The following TTC9 variants were observed in gnomAD, a reference collection of about 807,000 sequenced individuals.
The protein encoded by TTC9 is tetratricopeptide repeat protein 9A.
Under a neutral mutation model 22.9 loss-of-function variants are expected in TTC9, and 13 were observed. The observed-to-expected ratio is 0.57, with a 90% CI of 0.37 to 0.90. The LOEUF is 0.90. Ranked by LOEUF, TTC9 falls within the 40% of genes least tolerant of loss-of-function variation. The pLI, the probability that TTC9 is intolerant of heterozygous loss-of-function variation, is 0.01. For missense variants in TTC9, 280 were observed against 291.8 expected, an observed-to-expected ratio of 0.96 and a Z score of 0.29; for synonymous variants, 148 against 133.2, an observed-to-expected ratio of 1.11 and a Z score of -0.77.
Position 70,671,023 on chromosome 14 carries a change from T to C in TTC9, c.590-53T>C, listed in dbSNP as rs977192254. ...ACAGCCTTTGCTAATTCCTTGTAAA[T>C]GTGATAGTTGCCCTCACCTGGTGTT... On this transcript the variant is annotated intron_variant, in intron 2 of 2. Transcript: ENST00000256367. 7.1e-6 allele frequency: 11 copies of C among 1,544,162 alleles called. No homozygotes were observed. The South Asian group carries it at 1.2e-4, about 17-fold the overall frequency.
At chr14:70,657,037 C>T (rs1886076496) in intron 1 of TTC9, among the ~76,000 whole-genome samples, 1 of 152,208 alleles carries the variant, frequency 6.6e-6, no homozygotes, top group Non-Finnish European at 1.5e-5. Flanking sequence ...TTTGGCATTA[C>T]AACTCCCTTG....
chr14:70,651,672 T>C (rs562880355), intron 1 of TTC9, among the ~76,000 whole-genome samples: 1 of 152,278 alleles, frequency 6.6e-6, no homozygotes, highest in Non-Finnish European at 1.5e-5. Flanking sequence ...TGCACATTAG[T>C]GACAGTTTGA....
chr14:70,646,126 G>T (rs1014676028), intron 1 of TTC9, among the ~76,000 whole-genome samples: 3 of 152,194 alleles, frequency 2.0e-5, no homozygotes, highest in Non-Finnish European at 4.4e-5. Flanking sequence ...GTCTCTTCTG[G>T]CTGGGATTTC....
chr14:70,643,583 T>A (rs1437999431), intron 1 of TTC9, among the ~76,000 whole-genome samples: 2 of 152,210 alleles, frequency 1.3e-5, no homozygotes, highest in African/African-American at 2.4e-5. Context: ...TTGCCTAAAC[T>A]GTCTATGGAC....
chr14:70,671,071 C>A lies in TTC9; in HGVS notation c.590-5C>A. 1 of 1,613,254 alleles carries A rather than the reference C, an allele frequency of 6.2e-7. No individual in the cohort carries two copies. The highest frequency in any genetic ancestry group is 2.2e-5 in the East Asian group (1 of 44,850). On this transcript the variant is annotated splice_polypyrimidine_tract_variant and splice_region_variant and intron_variant, in intron 2 of 2. Transcript: ENST00000256367. ...GTTCCCTAAGGTTTATTTCTCTCCT[C>A]ACAGACACCAACGTGATTCGGTATA...
At chr14:70,644,128 A>G (rs1190484139) in intron 1 of TTC9, among the ~76,000 whole-genome samples, 1 of 152,198 alleles carries the variant, frequency 6.6e-6, no homozygotes, top group African/African-American at 2.4e-5. Flanking sequence ...ATGGAATCTT[A>G]TATTTAGTCA....
At chr14:70,647,097 A>G (rs1403720406) in intron 1 of TTC9, among the ~76,000 whole-genome samples, 2 of 152,330 alleles carry the variant, frequency 1.3e-5, no homozygotes, top group East Asian at 3.9e-4. Flanking sequence ...AAATTTAATT[A>G]TTAGCATAGA....
At position 70,674,170 on chromosome 14, in the gene TTC9, A is replaced by T. The variant is rs887347004; in HGVS notation, c.*3015A>T. ...TTTAATTCCGTACGTTGCGGATGTC[A>T]CTGCTGACCTATGTAGCTGGAGTAC... On this transcript the variant is annotated 3_prime_UTR_variant, in exon 3 of 3. Transcript: ENST00000256367. The T allele has an allele frequency of 2.6e-5, 4 of 152,138 alleles. No homozygotes were observed. Among genetic ancestry groups the T allele is most frequent in the African/African-American group, 9.7e-5 (4 of 41,406 alleles). 9.4% of individuals were successfully genotyped at this position (152,138 alleles called of 1,614,324 possible).
Position 70,642,334 on chromosome 14 carries a change from A to G in TTC9, c.205A>G (p.Lys69Glu), listed in dbSNP as rs1403717354. Residue 69 changes from lysine (K) to glutamate (E), a missense_variant, in exon 1 of 3, where the codon AAG (lysine) becomes GAG (glutamate). Coordinates refer to ENST00000256367, the MANE Select transcript of TTC9 (RefSeq NM_015351.2). Reference protein sequence around the residue: ...EFKSQGAQCYKDKKFREAIGK... With the variant: ...EFKSQGAQCYEDKKFREAIGK... ...CAAAAGCCAAGGGGCGCAGTGCTAC[A>G]AGGACAAGAAATTCCGTGAAGCCAT... is the stretch of plus-strand genomic sequence containing the variant. 6.3e-7 allele frequency: 1 copy of G among 1,595,840 alleles called. No individual in the cohort carries two copies. Among genetic ancestry groups the G allele is most frequent in the Admixed American group, 1.7e-5 (1 of 58,184 alleles).
rs1228392517 is a variant in TTC9 at position 70,642,085 on chromosome 14, G to GGCC, written c.-43_-42insCGC. ...GGGAAGGCGCGGCGGCGGCGGCGGC[G>GGCC]GCGGGCAGATCGCGGCGCGCACCAG... is the stretch of plus-strand genomic sequence containing the variant. On this transcript the variant is annotated 5_prime_UTR_variant, in exon 1 of 3. Coordinates refer to ENST00000256367, the MANE Select transcript of TTC9 (RefSeq NM_015351.2). 1.6e-5 allele frequency: 17 copies of GGCC among 1,042,276 alleles called. No individual in the cohort carries two copies. Among genetic ancestry groups the GGCC allele is most frequent in the Admixed American group, 1.1e-4 (2 of 18,020 alleles). The allele number at this position is 1,042,276 out of a possible 1,614,324, so 64.6% of individuals were successfully genotyped here.
At position 70,673,887 on chromosome 14, in the gene TTC9, T is replaced by C. The variant is rs2139654515; in HGVS notation, c.*2732T>C. ...ATGAAGACAGCCTCTCAGAACCTCA[T>C]AGAACAAGCGTCCAGGTCATCTGCT... is the stretch of plus-strand genomic sequence containing the variant. On this transcript the variant is annotated 3_prime_UTR_variant, in exon 3 of 3. Transcript: ENST00000256367. 6.6e-6 allele frequency: 1 copy of C among 152,218 alleles called. No homozygotes were observed. Among genetic ancestry groups the C allele is most frequent in the Non-Finnish European group, 1.5e-5 (1 of 68,042 alleles). The allele number at this position is 152,218 out of a possible 1,614,324, so 9.4% of individuals were successfully genotyped here.
Position 70,671,206 on chromosome 14 carries a change from C to A in TTC9, c.*51C>A. 2 of 1,502,942 alleles carry A rather than the reference C, an allele frequency of 1.3e-6. No individual in the cohort carries two copies. Among genetic ancestry groups the A allele is most frequent in the Non-Finnish European group, 1.8e-6 (2 of 1,084,118 alleles). 93.1% of individuals were successfully genotyped at this position (1,502,942 alleles called of 1,614,324 possible). ...CCACGCCTGACCGGGGACTTCCAGGCATCCCCTGGCAGAGAGCCCCGTCCT... is the reference window on the plus strand; with the variant it reads ...CCACGCCTGACCGGGGACTTCCAGGAATCCCCTGGCAGAGAGCCCCGTCCT... On this transcript the variant is annotated 3_prime_UTR_variant, in exon 3 of 3. Transcript: ENST00000256367.
chr14:70,647,005 C>T (rs1171036136), intron 1 of TTC9, among the ~76,000 whole-genome samples: 1 of 152,168 alleles, frequency 6.6e-6, no homozygotes, highest in Non-Finnish European at 1.5e-5. Context: ...AAGCTTTTCT[C>T]TTTCTTTTGT....
At chr14:70,663,935 G>A (rs973468071) in intron 1 of TTC9, among the ~76,000 whole-genome samples, 3 of 152,174 alleles carry the variant, frequency 2.0e-5, no homozygotes, top group Non-Finnish European at 4.4e-5. Flanking sequence ...ACAGAAGTGG[G>A]CTGATATCCT....
chr14:70,642,165 G>C lies in TTC9; in HGVS notation c.36G>C (p.Gly12=). 1 of 1,193,792 alleles carries C rather than the reference G, an allele frequency of 8.4e-7. No homozygotes were observed. Among genetic ancestry groups the C allele is most frequent in the Non-Finnish European group, 1.0e-6 (1 of 957,484 alleles). The allele number at this position is 1,193,792 out of a possible 1,614,324, so 73.9% of individuals were successfully genotyped here. Residue 12 remains glycine, a synonymous_variant, in exon 1 of 3, where the codon GGG becomes GGC. Transcript: ENST00000256367. ...AGGGCTCGGCGGCCGGGGCCAAGGG[G>C]AACCCGAGCCCGCCCGCGGCCGGAG... The part of the protein sequence containing the change: ...ERKGSAAGAK[G]NPSPPAAGEG...
chr14:70,673,395 C>A lies in TTC9; in HGVS notation c.*2240C>A, dbSNP rs1886323669. On this transcript the variant is annotated 3_prime_UTR_variant, in exon 3 of 3. Transcript: ENST00000256367. ...AGAAATATTGAGGGGCCTGCCATTA[C>A]TCACCTAGAGCTCACTCTCTGGAGA... is the stretch of plus-strand genomic sequence containing the variant. 1 of 152,318 alleles carries A rather than the reference C, an allele frequency of 6.6e-6. No individual in the cohort carries two copies. The highest frequency in any genetic ancestry group is 2.4e-5 in the African/African-American group (1 of 41,450). 9.4% of individuals were successfully genotyped at this position (152,318 alleles called of 1,614,324 possible).
At chr14:70,654,571 C>T (rs1594737244) in intron 1 of TTC9, among the ~76,000 whole-genome samples, 1 of 95,772 alleles carries the variant, frequency 1.0e-5, no homozygotes, top group Non-Finnish European at 1.9e-5. Flanking sequence ...GCCTGGGCAA[C>T]AGTAAGGCTC....
At chr14:70,656,698 G>T (rs572809067) in intron 1 of TTC9, among the ~76,000 whole-genome samples, 2 of 152,196 alleles carry the variant, frequency 1.3e-5, no homozygotes, top group Non-Finnish European at 2.9e-5. Context: ...GCCAATGAAC[G>T]TGACGTGTGT....
At chr14:70,642,904 T>C (rs1885845729) in intron 1 of TTC9, among the ~76,000 whole-genome samples, 1 of 152,126 alleles carries the variant, frequency 6.6e-6, no homozygotes. Flanking sequence ...TTCCTGCGGG[T>C]GGGTCCCAAG....
Sources: gnomAD v4.1 joint callset for allele counts (sites outside exome capture counted in the v4.1 genomes callset) on GRCh38, gnomAD v4.1.1 for gene constraint, MANE v1.5 for transcripts, NCBI Gene and HGNC (gene_info 2026-07-23, HGNC 2026-07-21) for gene names.